Variants in NBEA observed in about 807,000 individuals in gnomAD.
NBEA encodes neurobeachin.
Under a neutral mutation model 343.4 loss-of-function variants are expected in NBEA, and 44 were observed. The ratio of observed to expected loss-of-function variants is 0.13; its 90% confidence interval spans 0.10 to 0.16. The LOEUF (loss-of-function observed/expected upper bound fraction) is 0.16. NBEA is among the 10% of genes least tolerant of loss of function. NBEA has a pLI of 1.00. For synonymous variants in NBEA, 1,175 were observed against 1,238.7 expected, an observed-to-expected ratio of 0.95 and a Z score of 1.08; for missense variants, 2,555 against 3,631.3, an observed-to-expected ratio of 0.70 and a Z score of 7.62.
At chr13:35,078,593 C>T (rs2064225290) in intron 10 of NBEA, among the ~76,000 whole-genome samples, 1 of 152,064 alleles carries the variant, frequency 6.6e-6, no homozygotes, top group Non-Finnish European at 1.5e-5. Flanking sequence ...AAATATATGT[C>T]CTGGAAGTGG....
chr13:35,419,508 G>A (rs2044145487), intron 38 of NBEA, among the ~76,000 whole-genome samples: 1 of 152,038 alleles, frequency 6.6e-6, no homozygotes, highest in Admixed American at 6.6e-5. Context: ...CCATACTAAT[G>A]ACAGTGTTTC....
chr13:35,255,779 G>C (rs934319434), intron 34 of NBEA, among the ~76,000 whole-genome samples: 1 of 152,260 alleles, frequency 6.6e-6, no homozygotes, highest in South Asian at 2.1e-4. Flanking sequence ...GTGAGCGGGG[G>C]TGGGAGGATT....
At chr13:35,120,220 C>T (rs954171490) in intron 16 of NBEA, among the ~76,000 whole-genome samples, 3 of 152,094 alleles carry the variant, frequency 2.0e-5, no homozygotes, top group Non-Finnish European at 2.9e-5. Flanking sequence ...ATTGAGAGTG[C>T]TATTTGGTAA....
At position 34,942,452 on chromosome 13, in the gene NBEA, A is replaced by G; in HGVS notation, c.-369A>G. 6.2e-6 allele frequency: 1 copy of G among 161,772 alleles called. No homozygotes were observed. The highest frequency in any genetic ancestry group is 2.9e-3 in the Middle Eastern group (1 of 340). The allele number at this position is 161,772 out of a possible 1,614,324, so 10.0% of individuals were successfully genotyped here. A position where few individuals can be genotyped will look rare whatever the true frequency, so the allele number is the denominator to read the frequency against. On this transcript the variant is annotated 5_prime_UTR_variant, in exon 1 of 59. Transcript: ENST00000379939. ...CTGCTCGCGTCCTCGGGCTTCTCGGAGCGGCTGCAGCATCTCCGCGGGGGG... is the reference window on the plus strand; with the variant it reads ...CTGCTCGCGTCCTCGGGCTTCTCGGGGCGGCTGCAGCATCTCCGCGGGGGG...
chr13:35,053,605 T>C (rs1015548926), intron 6 of NBEA, among the ~76,000 whole-genome samples: 1 of 152,150 alleles, frequency 6.6e-6, no homozygotes, highest in Non-Finnish European at 1.5e-5. Context: ...TGTCCGTCTT[T>C]ATATACCCAT....
At chr13:35,324,615 G>T (rs534756157) in intron 36 of NBEA, among the ~76,000 whole-genome samples, 3 of 152,254 alleles carry the variant, frequency 2.0e-5, no homozygotes, top group Non-Finnish European at 4.4e-5. Flanking sequence ...TATGTAGTTA[G>T]TTTTAGCAGG....
chr13:35,345,202 T>A (rs2039804364), intron 36 of NBEA, among the ~76,000 whole-genome samples: 1 of 152,042 alleles, frequency 6.6e-6, no homozygotes, highest in African/African-American at 2.4e-5. Context: ...GTAACGTTCA[T>A]GATTAGAAAG....
chr13:35,187,194 C>G (rs1397800523), intron 30 of NBEA, among the ~76,000 whole-genome samples: 1 of 151,812 alleles, frequency 6.6e-6, no homozygotes, highest in Non-Finnish European at 1.5e-5. Flanking sequence ...AAACCCTTTT[C>G]TGGACTACTC....
At chr13:35,459,014 CCCCCA>C (rs796946865) in intron 40 of NBEA, among the ~76,000 whole-genome samples, 2,784 of 122,918 alleles carry the variant, frequency 0.023, 173 homozygotes, top group African/African-American at 0.092. Flanking sequence ...CGCCCCCCCC[CCCCCA>C]CACACACACA....
chr13:34,953,712 C>G (rs1363409099), intron 1 of NBEA, among the ~76,000 whole-genome samples: 1 of 152,150 alleles, frequency 6.6e-6, no homozygotes, highest in Non-Finnish European at 1.5e-5. Flanking sequence ...ATGGTTGCAT[C>G]CATACTAAAC....
chr13:35,439,003 A>G (rs2045590923), intron 39 of NBEA, among the ~76,000 whole-genome samples: 1 of 152,208 alleles, frequency 6.6e-6, no homozygotes, highest in Admixed American at 6.5e-5. Context: ...CAGTTATTGA[A>G]TAACTTCTAC....
intron 1 of NBEA, among the ~76,000 whole-genome samples, chr13:35,027,061 T>C (rs7999448): frequency 0.036 from 5,490 of 152,206 alleles, 321 homozygotes; most frequent in African/African-American, 0.12. Context: ...TTATCCAGGT[T>C]GTTGTGTGTA....
At chr13:35,243,977 G>T (rs1349733695) in intron 34 of NBEA, among the ~76,000 whole-genome samples, 1 of 151,768 alleles carries the variant, frequency 6.6e-6, no homozygotes, top group African/African-American at 2.4e-5. Flanking sequence ...GCATCCTCTA[G>T]GTTAGACCAT....
chr13:35,193,757 T>C (rs1331992630), intron 30 of NBEA, among the ~76,000 whole-genome samples: 24 of 151,964 alleles, frequency 1.6e-4, no homozygotes, highest in Admixed American at 1.6e-3. Context: ...AATATGAATG[T>C]TTGAATATTA....
At chr13:35,624,841 A>G (rs2083150001) in intron 48 of NBEA, among the ~76,000 whole-genome samples, 2 of 152,100 alleles carry the variant, frequency 1.3e-5, no homozygotes, top group Non-Finnish European at 2.9e-5. Context: ...CATAGGAGAG[A>G]GAGCAAAAGA....
intron 10 of NBEA, among the ~76,000 whole-genome samples, chr13:35,086,044 G>A (rs1359112278): frequency 6.6e-6 from 1 of 151,986 alleles, no homozygotes; most frequent in African/African-American, 2.4e-5. Context: ...ACCTCTTCAA[G>A]GAGAACTACA....
intron 36 of NBEA, among the ~76,000 whole-genome samples, chr13:35,327,337 C>A (rs879185096): frequency 6.6e-6 from 1 of 152,072 alleles, no homozygotes; most frequent in South Asian, 2.1e-4. Flanking sequence ...GTATGTTCAT[C>A]GCAGCACTAT....
At chr13:35,487,571 G>T (rs1172028662) in intron 41 of NBEA, among the ~76,000 whole-genome samples, 1 of 151,786 alleles carries the variant, frequency 6.6e-6, no homozygotes, top group Non-Finnish European at 1.5e-5. Flanking sequence ...GCCAGAGGTG[G>T]TTATCTAACC....
At chr13:34,956,019 TTTTA>T (rs1461252113) in intron 1 of NBEA, among the ~76,000 whole-genome samples, 3 of 152,198 alleles carry the variant, frequency 2.0e-5, no homozygotes, top group Non-Finnish European at 2.9e-5. Flanking sequence ...CAACTCTCCC[TTTTA>T]TTTGACTGTT....
Sources: allele counts gnomAD v4.1 joint callset (sites outside exome capture counted in the v4.1 genomes callset), GRCh38; gene constraint gnomAD v4.1.1; transcripts MANE v1.5; gene names NCBI Gene and HGNC (gene_info 2026-07-23, HGNC 2026-07-21).